MAPK11: variants seen among roughly 807,000 people sequenced by gnomAD.
The protein encoded by MAPK11 is MAP kinase 11.
Under a neutral mutation model 52.2 loss-of-function variants are expected in MAPK11, and 44 were observed. The observed-to-expected ratio is 0.84, with a 90% CI of 0.66 to 1.08. The LOEUF (loss-of-function observed/expected upper bound fraction) is 1.08. Ranked by LOEUF, MAPK11 falls within the 50% of genes least tolerant of loss-of-function variation. The pLI, the probability that MAPK11 is intolerant of heterozygous loss-of-function variation, is 0.00. For synonymous variants in MAPK11, 233 were observed against 206.3 expected, an observed-to-expected ratio of 1.13 and a Z score of -1.11; for missense variants, 436 against 494.7, an observed-to-expected ratio of 0.88 and a Z score of 1.13.
intron 11 of MAPK11, 131 bp downstream of exon 11, chr22:50,265,190 C>G (rs2065252550): frequency 4.4e-6 from 6 of 1,360,038 alleles, no homozygotes; most frequent in Non-Finnish European, 6.1e-6. Context: ...CGCCCCGCTC[C>G]CAGCCTGTGC....
chr22:50,270,293 G>A lies in MAPK11; in HGVS notation c.-1C>T. 7.6e-7 allele frequency: 1 copy of A among 1,311,528 alleles called. No homozygotes were observed. The highest frequency in any genetic ancestry group is 9.8e-7 in the Non-Finnish European group (1 of 1,023,250). 81.2% of individuals were successfully genotyped at this position (1,311,528 alleles called of 1,614,324 possible). The stretch of plus-strand genomic sequence containing the variant: ...AGAAGCCGGCGCGAGGGCCCGACAT[G>A]TCCGGAGCAGCCGCCGCTCCGCCCG... On this transcript the variant is annotated 5_prime_UTR_variant, in exon 1 of 12. Coordinates refer to ENST00000330651, the MANE Select transcript of MAPK11 (RefSeq NM_002751.7). This position sits in a 1 kb window ranked among gnomAD's most constrained non-coding sequence, Gnocchi z 6.3.
Position 50,267,810 on chromosome 22 carries a change from C to T in MAPK11, c.246+10G>A, listed in dbSNP as rs760705537. ...ACGCGCCCTCCCCCCACGGCCCTCC[C>T]CCGGCTCACGTTCTCGTGCTTCAGG... On this transcript the variant is annotated intron_variant, in intron 2 of 11. Coordinates refer to ENST00000330651, the MANE Select transcript of MAPK11 (RefSeq NM_002751.7). 3.3e-6 allele frequency: 5 copies of T among 1,533,978 alleles called. No individual in the cohort carries two copies. Among genetic ancestry groups the T allele is most frequent in the East Asian group, 2.6e-5 (1 of 38,138 alleles).
Position 50,270,333 on chromosome 22 carries a change from CCCCGCG to C in MAPK11, c.-47_-42del, listed in dbSNP as rs1170493113. On this transcript the variant is annotated 5_prime_UTR_variant, in exon 1 of 12. Coordinates refer to ENST00000330651, the MANE Select transcript of MAPK11 (RefSeq NM_002751.7). This position sits in a 1 kb window ranked among gnomAD's most constrained non-coding sequence, Gnocchi z 6.3. ...CGCTCCGCCCGGGCCCAGCCCCGCGCCCCGCGCCCGCGCCCGAGCCGAGCCCGAGCC... is the reference window on the plus strand; with the variant it reads ...CGCTCCGCCCGGGCCCAGCCCCGCGCCCCGCGCCCGAGCCGAGCCCGAGCC... The C allele has an allele frequency of 8.7e-6, 8 of 916,426 alleles. No homozygotes were observed. The African/African-American group carries it at 1.1e-4, about 12-fold the overall frequency. The allele number at this position is 916,426 out of a possible 1,614,324, so 56.8% of individuals were successfully genotyped here.
At chr22:50,266,193 G>A in intron 9 of MAPK11, 33 bp downstream of exon 9, 1 of 1,533,646 alleles carries the variant, frequency 6.5e-7, no homozygotes, top group Non-Finnish European at 8.9e-7. Context: ...TCAGCCAGGA[G>A]AGGGAGCTGC....
Position 50,264,947 on chromosome 22 carries a change from C to T in MAPK11, c.*1G>A. The T allele has an allele frequency of 6.2e-7, 1 of 1,609,926 alleles. No individual in the cohort carries two copies. The highest frequency in any genetic ancestry group is 8.5e-7 in the Non-Finnish European group (1 of 1,178,598). ...GCTCTCAGGGGCTGCTGGGCAGCAC[C>T]TCACTGCTCAATCTCCAGGCTGCCA... On this transcript the variant is annotated 3_prime_UTR_variant, in exon 12 of 12. Coordinates refer to ENST00000330651, the MANE Select transcript of MAPK11 (RefSeq NM_002751.7).
At position 50,263,846 on chromosome 22, in the gene MAPK11, C is replaced by T. The variant is rs199662052; in HGVS notation, c.*1102G>A. The stretch of plus-strand genomic sequence containing the variant: ...CCCCCAACTCAGCTCTGGGCAGGGT[C>T]CCGTCTCCGAGGTTACTGGATCAGC... On this transcript the variant is annotated 3_prime_UTR_variant, in exon 12 of 12. Transcript: ENST00000330651. 30 of 152,492 alleles carry T rather than the reference C, an allele frequency of 2.0e-4. No individual in the cohort carries two copies. Among genetic ancestry groups the T allele is most frequent in the Non-Finnish European group, 4.0e-4 (27 of 68,150 alleles). 9.4% of individuals were successfully genotyped at this position (152,492 alleles called of 1,614,324 possible).
chr22:50,266,769 G>A (rs1341472414), intron 7 of MAPK11, 158 bp from the exon 8 acceptor site: 4 of 951,252 alleles, frequency 4.2e-6, no homozygotes, highest in Admixed American at 2.0e-5. Flanking sequence ...ACAGCCAGAG[G>A]AGGCCAGCAC....
At position 50,267,033 on chromosome 22, in the gene MAPK11, G is replaced by C; in HGVS notation, c.511C>G (p.Leu171Val). The change falls in exon 7 of 12, where the codon CTG (leucine) becomes GTG (valine). Residue 171 changes from leucine to valine, a missense_variant. By Grantham distance (32) the Leu-to-Val change is conservative. Coordinates refer to ENST00000330651, the MANE Select transcript of MAPK11 (RefSeq NM_002751.7). ...ATCTCCTCGTCCGCCTGGCGCGCCA[G>C]CCCAAAATCCAGGATCTGGGGCGAC... ...DCELRILDFG[L>V]ARQADEEMTG... The C allele has an allele frequency of 6.2e-7, 1 of 1,612,258 alleles. No homozygotes were observed. The highest frequency in any genetic ancestry group is 8.5e-7 in the Non-Finnish European group (1 of 1,179,562).
chr22:50,268,480 G>A (rs974152729), intron 1 of MAPK11, among the ~76,000 whole-genome samples: 1 of 152,166 alleles, frequency 6.6e-6, no homozygotes, highest in Admixed American at 6.5e-5. Context: ...TCATTATTTG[G>A]AACAAAACCG....
intron 11 of MAPK11, 125 bp downstream of exon 11, chr22:50,265,196 T>C (rs1473068922): frequency 2.9e-6 from 4 of 1,371,214 alleles, no homozygotes; most frequent in South Asian, 1.3e-5. Context: ...GCTCCCAGCC[T>C]GTGCTGGACA....
At position 50,267,163 on chromosome 22, in the gene MAPK11, G is replaced by C. The variant is rs770869147; in HGVS notation, c.459C>G (p.Pro153=). The change falls in exon 6 of 12, where the codon CCC becomes CCG. Residue 153 remains proline (P), a synonymous_variant. Transcript: ENST00000330651. Reference sequence around the variant, plus strand: ...AGTCCTCGTTCACAGCCACGTTGCTGGGCTTCAGGTCCTGCAGGTCACGCG... The same window carrying C: ...AGTCCTCGTTCACAGCCACGTTGCTCGGCTTCAGGTCCTGCAGGTCACGCG... ...SAGIIHRDLK[P]SNVAVNEDCE... 6.2e-7 allele frequency: 1 copy of C among 1,611,944 alleles called. No homozygotes were observed. Among genetic ancestry groups the C allele is most frequent in the Non-Finnish European group, 8.5e-7 (1 of 1,179,604 alleles).
intron 2 of MAPK11, 21 bp downstream of exon 2, chr22:50,267,799 C>G: frequency 1.3e-6 from 2 of 1,521,776 alleles, no homozygotes; most frequent in South Asian, 1.2e-5. Context: ...GCCCTCCCCC[C>G]ACGGCCCTCC....
chr22:50,266,807 G>A (rs780194687), intron 7 of MAPK11, 127 bp downstream of exon 7: 2 of 1,038,714 alleles, frequency 1.9e-6, no homozygotes, highest in Non-Finnish European at 1.5e-6. Flanking sequence ...CCTCTGAAGG[G>A]CTACTTTTGA....
intron 4 of MAPK11, 32 bp from the exon 5 acceptor site, chr22:50,267,318 C>A (rs1447416347): frequency 9.0e-7 from 1 of 1,115,746 alleles, no homozygotes; most frequent in Non-Finnish European, 1.3e-6. Context: ...GAGCGCCGGG[C>A]CCGGCCCGCC....
chr22:50,266,375 G>T, intron 8 of MAPK11, 70 bp from the exon 9 acceptor site: 1 of 1,499,698 alleles, frequency 6.7e-7, no homozygotes, highest in South Asian at 1.2e-5. Context: ...CAAAACTTTG[G>T]GGCGCTGCCC....
At chr22:50,269,763 G>A (rs1029258629) in intron 1 of MAPK11, among the ~76,000 whole-genome samples, 6 of 152,218 alleles carry the variant, frequency 3.9e-5, no homozygotes, top group African/African-American at 1.4e-4. Context: ...CCCCCAGCCC[G>A]GGCGGGGGAG....
Position 50,266,979 on chromosome 22 carries a change from G to A in MAPK11, c.565C>T (p.Arg189Trp). 3 of 1,612,210 alleles carry A rather than the reference G, an allele frequency of 1.9e-6. No individual in the cohort carries two copies. Among genetic ancestry groups the A allele is most frequent in the South Asian group, 1.1e-5 (1 of 91,088 alleles). Residue 189 changes from arginine to tryptophan, a missense_variant, in exon 7 of 12, where the codon CGG (arginine) becomes TGG (tryptophan). Arg to Trp is a moderately radical substitution (Grantham distance 101). Transcript: ENST00000330651. The part of the protein sequence containing the change: ...MTGYVATRWY[R>W]APEIMLNWMH... ...CAGTTGAGCATGATCTCAGGTGCCCGGTACCAGCGCGTGGCCACATAGCCG... is the reference window on the plus strand; with the variant it reads ...CAGTTGAGCATGATCTCAGGTGCCCAGTACCAGCGCGTGGCCACATAGCCG...
In MAPK11 at chr22:50,264,952, T is replaced by C; in HGVS notation, c.1091A>G (p.Gln364Arg). The C allele has an allele frequency of 6.2e-7, 1 of 1,611,024 alleles. No individual in the cohort carries two copies. Among genetic ancestry groups the C allele is most frequent in the Non-Finnish European group, 8.5e-7 (1 of 1,179,084 alleles). The change falls in exon 12 of 12, where the codon CAG (glutamine) becomes CGG (arginine). Residue 364 changes from glutamine (Q) to arginine (R), a missense_variant. Coordinates refer to ENST00000330651, the MANE Select transcript of MAPK11 (RefSeq NM_002751.7). ...PKPPGSLEIE[Q>R] ...CAGGGGCTGCTGGGCAGCACCTCACTGCTCAATCTCCAGGCTGCCAGGTGG... is the reference window on the plus strand; with the variant it reads ...CAGGGGCTGCTGGGCAGCACCTCACCGCTCAATCTCCAGGCTGCCAGGTGG...
chr22:50,265,032 G>A lies in MAPK11; in HGVS notation c.1016-5C>T. ...GGACTTCCTGGTAAGTGAGCTCTAG[G>A]AGGTGAAGGGAAAGGGTGAGCTTGT... is the stretch of plus-strand genomic sequence containing the variant. On this transcript the variant is annotated splice_region_variant and splice_polypyrimidine_tract_variant and intron_variant, in intron 11 of 11. Transcript: ENST00000330651. The A allele has an allele frequency of 1.9e-6, 3 of 1,611,974 alleles. No homozygotes were observed. The highest frequency in any genetic ancestry group is 1.7e-6 in the Non-Finnish European group (2 of 1,178,810).
Sources: gnomAD v4.1 joint callset for allele counts (sites outside exome capture counted in the v4.1 genomes callset) on GRCh38, gnomAD v4.1.1 for gene constraint, Gnocchi (gnomAD v3.1) non-coding constraint, MANE v1.5 for transcripts, NCBI Gene and HGNC (gene_info 2026-07-23, HGNC 2026-07-21) for gene names.